IBTK: variants seen among roughly 807,000 people sequenced by gnomAD.
IBTK encodes inhibitor of Bruton tyrosine kinase.
Under a neutral mutation model 154.9 loss-of-function variants are expected in IBTK, and 83 were observed. That is an observed-to-expected ratio of 0.54 (90% CI 0.45 to 0.64). The LOEUF (loss-of-function observed/expected upper bound fraction) is 0.64. IBTK is among the 30% of genes least tolerant of loss of function. The probability of loss-of-function intolerance (pLI) is 0.00; values close to 1 mark genes in which losing one functional copy is unlikely to be tolerated. For missense variants in IBTK, 1,332 were observed against 1,584.6 expected, an observed-to-expected ratio of 0.84 and a Z score of 2.71; for synonymous variants, 515 against 536.1, an observed-to-expected ratio of 0.96 and a Z score of 0.54.
At chr6:82,186,356 C>A (rs940445470) in intron 25 of IBTK, among the ~76,000 whole-genome samples, 2 of 152,144 alleles carry the variant, frequency 1.3e-5, no homozygotes, top group African/African-American at 4.8e-5. Context: ...CCTGATCAGT[C>A]AGCAGTCATC....
At chr6:82,223,268 C>T (rs1212578006) in intron 8 of IBTK, among the ~76,000 whole-genome samples, 172 bp downstream of exon 8, 1 of 152,176 alleles carries the variant, frequency 6.6e-6, no homozygotes, top group Admixed American at 6.5e-5. Flanking sequence ...TATATATTCA[C>T]TGGATCCATG....
At chr6:82,230,306 A>T (rs1770458639) in intron 4 of IBTK, among the ~76,000 whole-genome samples, 2 of 152,228 alleles carry the variant, frequency 1.3e-5, no homozygotes, top group South Asian at 4.1e-4. Context: ...ATAACTAGGA[A>T]GTTGTAGGAA....
At position 82,227,938 on chromosome 6, in the gene IBTK, C is replaced by T. The variant is rs896943783; in HGVS notation, c.544-636G>A. Among the ~76,000 whole-genome samples, 4 of 151,804 alleles carry T rather than the reference C, an allele frequency of 2.6e-5. No individual in the cohort carries two copies. The East Asian group carries it at 7.7e-4, about 29-fold the overall frequency. On this transcript the variant is annotated intron_variant, in intron 4 of 28. Transcript: ENST00000306270. ...CCTCAATCTCAGTACACTCCCTTGC[C>T]CCTGATACACAGACTTACTATTCAC...
chr6:82,234,336 ATTAT>A, intron 2 of IBTK, 81 bp from the exon 3 acceptor site: 3 of 472,314 alleles, frequency 6.4e-6, no homozygotes, highest in Non-Finnish European at 9.4e-6. Context: ...CTATTTTATT[ATTAT>A]TTTTTTTTTT....
chr6:82,213,912 C>G (rs1030792152), intron 12 of IBTK, among the ~76,000 whole-genome samples: 2 of 150,712 alleles, frequency 1.3e-5, no homozygotes, highest in Non-Finnish European at 2.9e-5. Flanking sequence ...TGGGAGGAGA[C>G]TTGGGGAGGG....
chr6:82,207,726 TAAAG>T (rs1244380496), intron 16 of IBTK, among the ~76,000 whole-genome samples: 4 of 152,158 alleles, frequency 2.6e-5, no homozygotes. Context: ...TGTACTGGCA[TAAAG>T]AGAGTTCAGT....
intron 2 of IBTK, among the ~76,000 whole-genome samples, chr6:82,235,556 T>C (rs1770684058): frequency 6.6e-6 from 1 of 151,974 alleles, no homozygotes; most frequent in Non-Finnish European, 1.5e-5. Context: ...ATCGCGCCAC[T>C]GCACTCCAGC....
intron 2 of IBTK, among the ~76,000 whole-genome samples, chr6:82,237,547 T>TAGC (rs1770763653): frequency 7.8e-6 from 1 of 128,824 alleles, no homozygotes; most frequent in African/African-American, 2.8e-5. Flanking sequence ...TAAGTAGTAG[T>TAGC]AGTAGCAGCA....
rs139855529 is a variant in IBTK, at chr6:82,218,720, G to A, written c.1249-583C>T. ...AGAATGATGAGAGATGGGGTGTCAG[G>A]CTTCCCAATCCACAGTAGCAATTGT... On this transcript the variant is annotated intron_variant, in intron 9 of 28. Transcript: ENST00000306270. 3.9e-5 allele frequency among the ~76,000 whole-genome samples: 6 copies of A among 152,196 alleles called. No individual in the cohort carries two copies. In the East Asian group the frequency reaches 1.2e-3, roughly 29 times the overall value.
At chr6:82,223,275 C>T (rs1014289841) in intron 8 of IBTK, among the ~76,000 whole-genome samples, 165 bp downstream of exon 8, 1 of 152,138 alleles carries the variant, frequency 6.6e-6, no homozygotes, top group Admixed American at 6.6e-5. Flanking sequence ...TCACTGGATC[C>T]ATGCCAAAAG....
chr6:82,245,745 C>T (rs1005058632), intron 1 of IBTK, among the ~76,000 whole-genome samples: 4 of 151,806 alleles, frequency 2.6e-5, no homozygotes, highest in Admixed American at 6.6e-5. Context: ...TTTGAACAGC[C>T]TTATGTGCCT....
In IBTK at chr6:82,224,136, C is replaced by T; in HGVS notation, c.875G>A (p.Gly292Asp). The stretch of plus-strand genomic sequence containing the variant: ...AGTCCATAGGACTGTATGAAACCTG[C>T]CTGCTGCAACGCCAATGATTGTCCT... ...KGRTIIGVAAGRFHTVLWTRE... is the reference protein window; with the variant it reads ...KGRTIIGVAADRFHTVLWTRE... The change falls in exon 7 of 29, where the codon GGC (glycine) becomes GAC (aspartate). Residue 292 changes from glycine (G) to aspartate (D), a missense_variant. Coordinates refer to ENST00000306270, the MANE Select transcript of IBTK (RefSeq NM_015525.4). 1 of 1,614,072 alleles carries T rather than the reference C, an allele frequency of 6.2e-7. No homozygotes were observed. Among genetic ancestry groups the T allele is most frequent in the Non-Finnish European group, 8.5e-7 (1 of 1,179,934 alleles).
chr6:82,187,038 C>T (rs1321037838), intron 25 of IBTK, among the ~76,000 whole-genome samples: 2 of 151,462 alleles, frequency 1.3e-5, no homozygotes, highest in African/African-American at 4.9e-5. Flanking sequence ...GCCTCAGCCT[C>T]CCAAGTAGCT....
intron 16 of IBTK, among the ~76,000 whole-genome samples, chr6:82,208,953 T>C (rs1181322874): frequency 6.6e-6 from 1 of 152,110 alleles, no homozygotes; most frequent in East Asian, 1.9e-4. Flanking sequence ...TCAAAGAAGA[T>C]ATACAAATGA....
chr6:82,214,117 G>A (rs1298619688), intron 12 of IBTK, 110 bp downstream of exon 12: 17 of 1,073,114 alleles, frequency 1.6e-5, no homozygotes, highest in African/African-American at 6.4e-5. Flanking sequence ...CACCACACCC[G>A]GCTAATTTTT....
At chr6:82,235,988 C>T (rs374066088) in intron 2 of IBTK, among the ~76,000 whole-genome samples, 15 of 152,276 alleles carry the variant, frequency 9.9e-5, no homozygotes, top group African/African-American at 3.1e-4. Flanking sequence ...ATTCTCCTGC[C>T]GCAGCCTCCC....
chr6:82,218,406 T>A (rs1769949783), intron 9 of IBTK, among the ~76,000 whole-genome samples: 1 of 152,130 alleles, frequency 6.6e-6, no homozygotes, highest in South Asian at 2.1e-4. Flanking sequence ...CAATTTCCAG[T>A]ATTACCTGTT....
intron 17 of IBTK, among the ~76,000 whole-genome samples, chr6:82,203,507 T>A (rs1006609677): frequency 6.6e-6 from 1 of 152,164 alleles, no homozygotes; most frequent in African/African-American, 2.4e-5. Context: ...TCCTGACTAA[T>A]CTACATTTTC....
chr6:82,204,764 A>G, intron 17 of IBTK, 93 bp downstream of exon 17: 1 of 681,806 alleles, frequency 1.5e-6, no homozygotes, highest in South Asian at 4.1e-5. Context: ...AAAATGGTCT[A>G]TTTTACCATA....
Sources: gnomAD v4.1 joint callset for allele counts (sites outside exome capture counted in the v4.1 genomes callset) on GRCh38, gnomAD v4.1.1 for gene constraint, MANE v1.5 for transcripts, NCBI Gene and HGNC (gene_info 2026-07-23, HGNC 2026-07-21) for gene names.